CCDC88A: variants seen among roughly 807,000 people sequenced by gnomAD.
The protein encoded by CCDC88A is girdin.
A neutral mutation model predicts 234.3 loss-of-function variants in CCDC88A; 54 were observed. The observed-to-expected ratio is 0.23, with a 90% CI of 0.19 to 0.29. CCDC88A has a LOEUF of 0.29. Among genes scored for constraint, CCDC88A ranks in the 10% least tolerant of loss-of-function variants. CCDC88A has a pLI of 1.00. For synonymous variants in CCDC88A, 753 were observed against 737.8 expected, an observed-to-expected ratio of 1.02 and a Z score of -0.33; for missense variants, 1,832 against 2,123.4, an observed-to-expected ratio of 0.86 and a Z score of 2.70.
chr2:55,349,657 C>T, intron 8 of CCDC88A, 58 bp from the exon 9 acceptor site: 3 of 1,142,748 alleles, frequency 2.6e-6, no homozygotes, highest in Non-Finnish European at 3.9e-6. Context: ...TGATCATCAT[C>T]TGCGTTAATA....
intron 4 of CCDC88A, among the ~76,000 whole-genome samples, chr2:55,373,203 C>A (rs1673094221): frequency 6.6e-6 from 1 of 152,142 alleles, no homozygotes; most frequent in Non-Finnish European, 1.5e-5. Context: ...ATGAAAAAGT[C>A]CAAATCTTCT....
intron 3 of CCDC88A, among the ~76,000 whole-genome samples, chr2:55,387,779 C>CAAAAA (rs66479611): frequency 9.9e-3 from 636 of 64,446 alleles, no homozygotes; most frequent in East Asian, 0.012. Flanking sequence ...GGCTCCATCT[C>CAAAAA]AAAAAAAAAA....
At position 55,339,755 on chromosome 2, in the gene CCDC88A, CTTAACT is replaced by C. The variant is rs1455329519; in HGVS notation, c.1334-113_1334-108del. 9.3e-6 allele frequency: 7 copies of C among 755,858 alleles called. No individual in the cohort carries two copies. In the Admixed American group the frequency reaches 2.1e-4, roughly 23 times the overall value. 46.8% of individuals were successfully genotyped at this position (755,858 alleles called of 1,614,324 possible). ...TGTATATGCATTGCATCATCTGATC[CTTAACT>C]TTATTAAAAATTCAATGAGGTTATA... is the stretch of plus-strand genomic sequence containing the variant. On this transcript the variant is annotated intron_variant, in intron 12 of 32. Coordinates refer to ENST00000436346, the MANE Select transcript of CCDC88A (RefSeq NM_001365480.1).
chr2:55,399,102 C>A (rs1233691762), intron 2 of CCDC88A, among the ~76,000 whole-genome samples: 2 of 151,730 alleles, frequency 1.3e-5, no homozygotes, highest in South Asian at 2.1e-4. Context: ...AATACAGGAG[C>A]ATAAAAAAGA....
intron 7 of CCDC88A, among the ~76,000 whole-genome samples, chr2:55,360,577 A>G (rs929195807): frequency 6.6e-6 from 1 of 152,210 alleles, no homozygotes; most frequent in Non-Finnish European, 1.5e-5. Flanking sequence ...AAGAAATTCA[A>G]CAAAAATGCT....
chr2:55,400,730 C>T (rs754593011), intron 2 of CCDC88A, among the ~76,000 whole-genome samples: 2 of 152,142 alleles, frequency 1.3e-5, no homozygotes, highest in African/African-American at 2.4e-5. Context: ...GCTTTAATGG[C>T]TCTATGCTCT....
At position 55,295,744 on chromosome 2, in the gene CCDC88A, A is replaced by G. The variant is rs1679956622; in HGVS notation, c.5404T>C (p.Leu1802=). 1.2e-6 allele frequency: 2 copies of G among 1,614,176 alleles called. No individual in the cohort carries two copies. The highest frequency in any genetic ancestry group is 4.5e-5 in the East Asian group (2 of 44,880). Residue 1802 remains leucine, a synonymous_variant, in exon 31 of 33, where the codon TTA becomes CTA. Transcript: ENST00000436346. The part of the protein sequence containing the change: ...QSKDSNPYAT[L]PRASSVISTA... ...GAGATCACGCTGCTTGCACGAGGTAAAGTTGCATAAGGGTTACTATCTTTT... is the reference window on the plus strand; with the variant it reads ...GAGATCACGCTGCTTGCACGAGGTAGAGTTGCATAAGGGTTACTATCTTTT...
intron 3 of CCDC88A, among the ~76,000 whole-genome samples, chr2:55,377,682 T>A (rs1031602194): frequency 3.9e-5 from 6 of 152,136 alleles, no homozygotes; most frequent in African/African-American, 1.4e-4. Context: ...TCATCTCGGT[T>A]CAATGCAACC....
At chr2:55,324,704 G>C (rs1684046685) in intron 17 of CCDC88A, among the ~76,000 whole-genome samples, 7 of 151,744 alleles carry the variant, frequency 4.6e-5, no homozygotes, top group Admixed American at 4.6e-4. Context: ...GGAGTGCAGT[G>C]GTGCAATTTC....
Position 55,301,931 on chromosome 2 carries a change from T to C in CCDC88A, c.4613A>G (p.Asn1538Ser), listed in dbSNP as rs777465383. The C allele has an allele frequency of 4.3e-6, 7 of 1,614,106 alleles. No individual in the cohort carries two copies. The highest frequency in any genetic ancestry group is 5.9e-6 in the Non-Finnish European group (7 of 1,180,046). ...GAMAFSTTAI[N>S]FSTVNSSAGF... ...TGCAGAAGAGTTGACAGTTGAAAAG[T>C]TGATGGCTGTAGTAGAGAAGGCCAT... Residue 1538 changes from asparagine to serine, a missense_variant, in exon 27 of 33, where the codon AAC becomes AGC. By Grantham distance (46) the Asn-to-Ser change is conservative. Coordinates refer to ENST00000436346, the MANE Select transcript of CCDC88A (RefSeq NM_001365480.1).
At chr2:55,355,800 T>G in intron 7 of CCDC88A, 49 bp from the exon 8 acceptor site, 2 of 1,448,648 alleles carry the variant, frequency 1.4e-6, no homozygotes, top group Non-Finnish European at 1.9e-6. Flanking sequence ...ATTAGCAAAC[T>G]AAACACATCA....
chr2:55,347,358 C>T (rs1274694851), intron 9 of CCDC88A, among the ~76,000 whole-genome samples: 1 of 152,052 alleles, frequency 6.6e-6, no homozygotes, highest in Non-Finnish European at 1.5e-5. Context: ...TAACCTAAGA[C>T]ATTATTTGTC....
intron 2 of CCDC88A, 80 bp downstream of exon 2, chr2:55,418,736 G>A: frequency 8.9e-7 from 1 of 1,126,276 alleles, no homozygotes; most frequent in Non-Finnish European, 1.3e-6. Context: ...CAAATTAGGG[G>A]CTTAAAACAT....
intron 2 of CCDC88A, among the ~76,000 whole-genome samples, chr2:55,414,924 A>C (rs1033058418): frequency 6.6e-6 from 1 of 151,878 alleles, no homozygotes; most frequent in African/African-American, 2.4e-5. Flanking sequence ...AAAATTAGCC[A>C]GGCGTGGTGG....
At chr2:55,330,697 T>C (rs1304957710) in intron 16 of CCDC88A, among the ~76,000 whole-genome samples, 1 of 152,166 alleles carries the variant, frequency 6.6e-6, no homozygotes, top group Non-Finnish European at 1.5e-5. Flanking sequence ...GTTCAACATA[T>C]ACCCTTATCT....
chr2:55,374,594 GA>G (rs1419933973), intron 4 of CCDC88A, among the ~76,000 whole-genome samples: 2 of 152,004 alleles, frequency 1.3e-5, no homozygotes, highest in African/African-American at 4.8e-5. Flanking sequence ...TGGTATAGTA[GA>G]AAAAATACTG....
intron 3 of CCDC88A, among the ~76,000 whole-genome samples, chr2:55,375,248 A>T (rs1213030123): frequency 2.0e-5 from 3 of 151,960 alleles, no homozygotes; most frequent in Admixed American, 6.6e-5. Flanking sequence ...AAAATATCAG[A>T]TGTCCCCAAA....
At chr2:55,401,556 CT>C (rs1350538813) in intron 2 of CCDC88A, among the ~76,000 whole-genome samples, 10 of 38,588 alleles carry the variant, frequency 2.6e-4, no homozygotes, top group Non-Finnish European at 8.2e-4. Context: ...AACTTAATTT[CT>C]CCCCCCCATA....
At chr2:55,318,351 G>A (rs1322933984) in intron 19 of CCDC88A, among the ~76,000 whole-genome samples, 2 of 152,128 alleles carry the variant, frequency 1.3e-5, no homozygotes, top group African/African-American at 4.8e-5. Context: ...GAGGGAACTT[G>A]TTTCTGCTCT....
Sources: gnomAD v4.1 joint callset for allele counts (sites outside exome capture counted in the v4.1 genomes callset) on GRCh38, gnomAD v4.1.1 for gene constraint, MANE v1.5 for transcripts, NCBI Gene and HGNC (gene_info 2026-07-23, HGNC 2026-07-21) for gene names.